Variants in DNAJC6 observed in about 807,000 individuals in gnomAD.
DNAJC6 encodes the protein auxilin.
In DNAJC6, 34 loss-of-function variants were observed where a neutral mutation model predicts 110.0. The observed-to-expected ratio is 0.31, with a 90% CI of 0.24 to 0.41. DNAJC6 has a LOEUF of 0.41. DNAJC6 is among the 10% of genes least tolerant of loss of function. The pLI is 1.00. For missense variants in DNAJC6, 1,031 were observed against 1,207.8 expected (o/e 0.85, Z 2.17); for synonymous variants, 406 against 437.2 (o/e 0.93, Z 0.89).
intron 5 of DNAJC6, 120 bp downstream of exon 5, chr1:65,379,644 G>A: frequency 7.3e-7 from 1 of 1,370,432 alleles, no homozygotes. Flanking sequence ...CCATATTTAG[G>A]AATTGGGTAA....
At chr1:65,307,952 A>C (rs1645060112), upstream of DNAJC6, among the ~76,000 whole-genome samples, 1 of 152,204 alleles carries the variant, frequency 6.6e-6, no homozygotes, top group African/African-American at 2.4e-5. Flanking sequence ...CTGGCCAGGA[A>C]GTTTAGGTTT....
In DNAJC6 at chr1:65,366,072, T is replaced by C; in HGVS notation, c.419T>C (p.Val140Ala). The change falls in exon 4 of 19, where the codon GTT (valine) becomes GCT (alanine). Residue 140 changes from valine to alanine, a missense_variant. Coordinates refer to ENST00000371069, the MANE Select transcript of DNAJC6 (RefSeq NM_001256864.2). ...GTGATGTCCTTTCCTCTGGACAATG[T>C]TGACATAGGATTCAGGAATCAGGTT... ...IIVMSFPLDN[V>A]DIGFRNQVDD... is the part of the protein sequence containing the mutation. 6.2e-7 allele frequency: 1 copy of C among 1,613,918 alleles called. No homozygotes were observed. Among genetic ancestry groups the C allele is most frequent in the South Asian group, 1.1e-5 (1 of 91,078 alleles).
chr1:65,323,471 G>A (rs1322221914), intron 1 of DNAJC6, among the ~76,000 whole-genome samples: 1 of 152,118 alleles, frequency 6.6e-6, no homozygotes. Flanking sequence ...AGGCCTCCTA[G>A]TCATGCTTCC....
chr1:65,387,727 G>T (rs944366964), intron 8 of DNAJC6, among the ~76,000 whole-genome samples: 4 of 152,154 alleles, frequency 2.6e-5, no homozygotes, highest in African/African-American at 9.7e-5. Context: ...GAACATTTGG[G>T]ATATTGCCAT....
chr1:65,295,015 T>C (rs1292209097), intron 1 of DNAJC6, among the ~76,000 whole-genome samples: 3 of 152,228 alleles, frequency 2.0e-5, no homozygotes, highest in East Asian at 3.9e-4. Flanking sequence ...TTATGTGTTA[T>C]AGAGAAGTAG....
intron 1 of DNAJC6, among the ~76,000 whole-genome samples, chr1:65,313,075 C>T (rs1645116805): frequency 6.7e-6 from 1 of 149,096 alleles, no homozygotes; most frequent in South Asian, 2.1e-4. Flanking sequence ...GCTGTGATTA[C>T]AGGGTCTTGC....
upstream of DNAJC6, chr1:65,306,574 T>C (rs1645040565): frequency 2.0e-5 from 3 of 152,152 alleles, no homozygotes; most frequent in African/African-American, 4.8e-5. Context: ...CTTCATCAAG[T>C]TAATAAAGCA....
intron 4 of DNAJC6, among the ~76,000 whole-genome samples, chr1:65,376,222 G>A (rs1645765322): frequency 6.6e-6 from 1 of 151,850 alleles, no homozygotes; most frequent in African/African-American, 2.4e-5. Context: ...GTATTTCTGA[G>A]GTCTCAGTTG....
intron 1 of DNAJC6, among the ~76,000 whole-genome samples, chr1:65,274,047 G>C (rs917109221): frequency 6.6e-6 from 1 of 152,082 alleles, no homozygotes; most frequent in Non-Finnish European, 1.5e-5. Context: ...TGGTTCCCAA[G>C]AGAGGGCAAA....
rs967375575 is a variant in DNAJC6, at chr1:65,339,187, GA to G, written c.194-25438del. ...GCCAGGTGTAATGTTGGGTTCTTAA[GA>G]AAAAAAAAATGAGGTGGATGTTGTT... On this transcript the variant is annotated intron_variant, in intron 1 of 18. Transcript: ENST00000371069. 2.5e-3 allele frequency among the ~76,000 whole-genome samples: 364 copies of G among 148,440 alleles called. 2 individuals are homozygous for G. The highest frequency in any genetic ancestry group is 8.5e-3 in the African/African-American group (346 of 40,640).
intron 1 of DNAJC6, among the ~76,000 whole-genome samples, chr1:65,323,088 T>TTGG (rs1557521397): frequency 1.3e-5 from 2 of 152,162 alleles, no homozygotes; most frequent in African/African-American, 4.8e-5. Context: ...AGCATTGGAG[T>TTGG]TGGAGCCAGT....
At position 65,414,065 on chromosome 1, in the gene DNAJC6, C is replaced by T. The variant is rs1367001992; in HGVS notation, c.*1040C>T. 6.6e-6 allele frequency: 1 copy of T among 152,262 alleles called. No individual in the cohort carries two copies. Among genetic ancestry groups the T allele is most frequent in the East Asian group, 1.9e-4 (1 of 5,208 alleles). 9.4% of individuals were successfully genotyped at this position (152,262 alleles called of 1,614,324 possible). On this transcript the variant is annotated 3_prime_UTR_variant, in exon 19 of 19. Coordinates refer to ENST00000371069, the MANE Select transcript of DNAJC6 (RefSeq NM_001256864.2). Reference sequence around the variant, plus strand: ...GATCACAGTGAGAGAGCTGCACTCACCTGCAGACCCAGTCAGATGGCTTGT... The same window carrying T: ...GATCACAGTGAGAGAGCTGCACTCATCTGCAGACCCAGTCAGATGGCTTGT...
chr1:65,384,991 G>A (rs937906672), intron 6 of DNAJC6, among the ~76,000 whole-genome samples: 2 of 152,180 alleles, frequency 1.3e-5, no homozygotes, highest in Admixed American at 1.3e-4. Context: ...ATTTGCCTCA[G>A]GTCTAATGCC....
chr1:65,313,087 C>T (rs1285585870), intron 1 of DNAJC6, among the ~76,000 whole-genome samples: 1 of 151,850 alleles, frequency 6.6e-6, no homozygotes, highest in Non-Finnish European at 1.5e-5. Flanking sequence ...GGGTCTTGCT[C>T]CATTGCCCAG....
chr1:65,379,247 C>T (rs1414584451), intron 4 of DNAJC6, among the ~76,000 whole-genome samples, 155 bp from the exon 5 acceptor site: 1 of 152,174 alleles, frequency 6.6e-6, no homozygotes, highest in African/African-American at 2.4e-5. Flanking sequence ...GTTAAACACC[C>T]TCTTCTTCAT....
intron 16 of DNAJC6, among the ~76,000 whole-genome samples, chr1:65,408,141 T>C (rs2101638847): frequency 6.6e-6 from 1 of 152,270 alleles, no homozygotes; most frequent in South Asian, 2.1e-4. Flanking sequence ...CCAAAGTCTT[T>C]GTTCCTAGCC....
chr1:65,377,891 C>A (rs887269623), intron 4 of DNAJC6, among the ~76,000 whole-genome samples: 4 of 152,194 alleles, frequency 2.6e-5, no homozygotes, highest in African/African-American at 9.7e-5. Flanking sequence ...CTGTATGAAG[C>A]CTCTTCTTTC....
chr1:65,340,469 A>G (rs545313835), intron 1 of DNAJC6, among the ~76,000 whole-genome samples: 1 of 152,186 alleles, frequency 6.6e-6, no homozygotes, highest in East Asian at 1.9e-4. Context: ...TGAGACCTCT[A>G]CTCTGTCAAA....
At chr1:65,345,678 AG>A (rs36062482) in intron 1 of DNAJC6, 575,179 of 984,056 alleles carry the variant, frequency 0.58, 170,209 homozygotes, top group African/African-American at 0.79. Flanking sequence ...TTTGAGTGGA[AG>A]GAGTCTGAAG....
Sources: gnomAD v4.1 joint callset for allele counts (sites outside exome capture counted in the v4.1 genomes callset) on GRCh38, gnomAD v4.1.1 for gene constraint, MANE v1.5 for transcripts, NCBI Gene and HGNC (gene_info 2026-07-23, HGNC 2026-07-21) for gene names.